The following RBFOX1 variants were observed in gnomAD, a reference collection of about 807,000 sequenced individuals.
RBFOX1 encodes RNA binding protein fox-1 homolog 1.
Under a neutral mutation model 57.7 loss-of-function variants are expected in RBFOX1, and 8 were observed. The ratio of observed to expected loss-of-function variants is 0.14; its 90% CI spans 0.08 to 0.25. The LOEUF is 0.25. RBFOX1 is among the 10% of genes least tolerant of loss of function. The pLI is 1.00. For synonymous variants in RBFOX1, 326 were observed against 222.4 expected, an observed-to-expected ratio of 1.47 and a Z score of -4.15; for missense variants, 611 against 548.5, an observed-to-expected ratio of 1.11 and a Z score of -1.14.
intron 4 of RBFOX1, among the ~76,000 whole-genome samples, chr16:7,472,000 G>A (rs1454380707): frequency 6.6e-6 from 1 of 152,164 alleles, no homozygotes; most frequent in Non-Finnish European, 1.5e-5. Flanking sequence ...TACAAATGAG[G>A]TAGTAGTGGA....
intron 4 of RBFOX1, among the ~76,000 whole-genome samples, chr16:5,952,126 CAT>C (rs1204507736): frequency 1.3e-5 from 2 of 149,420 alleles, no homozygotes; most frequent in Non-Finnish European, 3.0e-5. Flanking sequence ...TACACACACA[CAT>C]ATATATATAG....
chr16:5,251,886 C>T (rs117492243), intron 1 of RBFOX1, among the ~76,000 whole-genome samples: 199 of 151,890 alleles, frequency 1.3e-3, no homozygotes, highest in Non-Finnish European at 2.1e-3. Context: ...ATGGAATTAA[C>T]TTCAAGTTTA....
intron 1 of RBFOX1, among the ~76,000 whole-genome samples, chr16:5,356,669 C>T (rs1326581000): frequency 6.6e-6 from 1 of 152,152 alleles, no homozygotes; most frequent in Non-Finnish European, 1.5e-5. Context: ...TTAATAGTAT[C>T]AGTCAAAGTT....
chr16:5,643,634 A>T (rs1372674574), intron 3 of RBFOX1, among the ~76,000 whole-genome samples: 1 of 152,200 alleles, frequency 6.6e-6, no homozygotes, highest in Non-Finnish European at 1.5e-5. Flanking sequence ...TTCCTGCAGC[A>T]TTTAAATTAT....
intron 1 of RBFOX1, among the ~76,000 whole-genome samples, chr16:5,466,568 G>C (rs913625591): frequency 6.6e-6 from 1 of 152,152 alleles, no homozygotes; most frequent in Non-Finnish European, 1.5e-5. Flanking sequence ...TTCAGGAGCT[G>C]GGGTGTTTTA....
At chr16:6,719,589 C>T (rs1026146134) in intron 3 of RBFOX1, among the ~76,000 whole-genome samples, 1 of 151,604 alleles carries the variant, frequency 6.6e-6, no homozygotes, top group Non-Finnish European at 1.5e-5. Flanking sequence ...TACAGGTGCC[C>T]ATCACCACGC....
intron 13 of RBFOX1, among the ~76,000 whole-genome samples, chr16:7,667,146 T>C (rs1361937752): frequency 1.3e-5 from 2 of 152,190 alleles, no homozygotes; most frequent in South Asian, 2.1e-4. Flanking sequence ...ACCCAGCACA[T>C]GTTTCTGTCC....
intron 4 of RBFOX1, among the ~76,000 whole-genome samples, chr16:7,460,988 G>T (rs1044463756): frequency 6.6e-6 from 1 of 152,286 alleles, no homozygotes; most frequent in East Asian, 1.9e-4. Context: ...TTGTGGAGAA[G>T]CTCGACTCCC....
intron 3 of RBFOX1, among the ~76,000 whole-genome samples, chr16:6,789,491 C>T (rs770884870): frequency 9.2e-5 from 14 of 152,116 alleles, no homozygotes; most frequent in Non-Finnish European, 1.9e-4. Context: ...GAGAAGCAGT[C>T]ATTTCATTCT....
intron 4 of RBFOX1, among the ~76,000 whole-genome samples, chr16:7,366,020 A>C (rs994254092): frequency 6.6e-6 from 1 of 152,234 alleles, no homozygotes; most frequent in Admixed American, 6.5e-5. Context: ...ACTCTGTGTC[A>C]GAAACTCCCA....
At chr16:7,542,158 C>T (rs971777092) in intron 5 of RBFOX1, among the ~76,000 whole-genome samples, 1 of 152,132 alleles carries the variant, frequency 6.6e-6, no homozygotes, top group Admixed American at 6.5e-5. Flanking sequence ...ACATTCTGAA[C>T]GGACTATTAC....
intron 14 of RBFOX1, among the ~76,000 whole-genome samples, chr16:7,697,516 CAT>C (rs2079161482): frequency 4.7e-5 from 1 of 21,126 alleles, no homozygotes; most frequent in Non-Finnish European, 1.2e-4. Flanking sequence ...GATATACATA[CAT>C]GCATGTATAT....
intron 3 of RBFOX1, among the ~76,000 whole-genome samples, chr16:6,811,758 G>A (rs1048849852): frequency 5.3e-5 from 8 of 152,136 alleles, no homozygotes; most frequent in Non-Finnish European, 1.0e-4. Flanking sequence ...GCGTGGTAGT[G>A]CACGCCTGTA....
chr16:7,291,957 TATATA>T (rs1478114314), intron 4 of RBFOX1, among the ~76,000 whole-genome samples: 76 of 128,616 alleles, frequency 5.9e-4, no homozygotes, highest in African/African-American at 2.0e-3. Context: ...ATGTATATAA[TATATA>T]ATATATTTTA....
intron 2 of RBFOX1, among the ~76,000 whole-genome samples, chr16:6,504,122 T>A (rs980780460): frequency 1.3e-5 from 2 of 152,198 alleles, no homozygotes; most frequent in Admixed American, 1.3e-4. Context: ...GGTAAGGTAG[T>A]CAGTAGTCAT....
intron 2 of RBFOX1, among the ~76,000 whole-genome samples, chr16:6,529,097 G>A (rs921455471): frequency 2.2e-4 from 33 of 152,098 alleles, no homozygotes; most frequent in Admixed American, 5.9e-4. Flanking sequence ...AATTCTAGCT[G>A]CCACCTTGTT....
chr16:7,031,854 A>G (rs937220275), intron 3 of RBFOX1, among the ~76,000 whole-genome samples: 4 of 152,278 alleles, frequency 2.6e-5, no homozygotes, highest in South Asian at 2.1e-4. Context: ...CCTGCTGGAC[A>G]CACAGGGAGC....
At chr16:6,794,426 C>T (rs1346778539) in intron 3 of RBFOX1, among the ~76,000 whole-genome samples, 2 of 151,822 alleles carry the variant, frequency 1.3e-5, no homozygotes, top group Admixed American at 6.6e-5. Flanking sequence ...TTTTCTATTG[C>T]TCAGATTCCC....
intron 1 of RBFOX1, among the ~76,000 whole-genome samples, chr16:6,166,306 G>A (rs1037329440): frequency 6.6e-6 from 1 of 151,968 alleles, no homozygotes; most frequent in Admixed American, 6.6e-5. Flanking sequence ...CAAATGACGG[G>A]GACCAAGCTC....
Sources: gnomAD v4.1 joint callset for allele counts (sites outside exome capture counted in the v4.1 genomes callset) on GRCh38, gnomAD v4.1.1 for gene constraint, MANE v1.5 for transcripts, NCBI Gene and HGNC (gene_info 2026-07-23, HGNC 2026-07-21) for gene names.